Variants in EYS observed in about 807,000 individuals in gnomAD.
The protein encoded by EYS is protein eyes shut homolog.
A neutral mutation model predicts 282.1 loss-of-function variants in EYS; 250 were observed. The ratio of observed to expected loss-of-function variants is 0.89; its 90% CI spans 0.80 to 0.98. The LOEUF is 0.98. EYS is among the 50% of genes least tolerant of loss of function. The pLI, the probability that EYS is intolerant of heterozygous loss-of-function variation, is 0.00. For synonymous variants in EYS, 1,355 were observed against 1,282.9 expected, an observed-to-expected ratio of 1.06 and a Z score of -1.20; for missense variants, 4,016 against 3,709.0, an observed-to-expected ratio of 1.08 and a Z score of -2.15.
chr6:65,498,292 C>T (rs1354565239), intron 2 of EYS, among the ~76,000 whole-genome samples: 1 of 151,980 alleles, frequency 6.6e-6, no homozygotes, highest in Non-Finnish European at 1.5e-5. Context: ...TATTGAAATA[C>T]TTTTGTACCT....
At chr6:64,006,779 TATG>T (rs1396814195) in intron 33 of EYS, among the ~76,000 whole-genome samples, 1 of 152,172 alleles carries the variant, frequency 6.6e-6, no homozygotes, top group Non-Finnish European at 1.5e-5. Flanking sequence ...TTTAGTTCTA[TATG>T]ATAAATCCCA....
intron 29 of EYS, among the ~76,000 whole-genome samples, chr6:64,374,720 T>A (rs1019007361): frequency 6.6e-6 from 1 of 152,164 alleles, no homozygotes; most frequent in African/African-American, 2.4e-5. Context: ...CTGCTGCTCG[T>A]CTCCCATCTT....
intron 35 of EYS, among the ~76,000 whole-genome samples, chr6:63,930,563 G>GT (rs1291903100): frequency 2.0e-5 from 3 of 151,900 alleles, no homozygotes; most frequent in Non-Finnish European, 2.9e-5. Context: ...TCAAATCATT[G>GT]TTTTTTTAAC....
chr6:64,753,658 T>C (rs902703120), intron 22 of EYS, among the ~76,000 whole-genome samples: 1 of 151,274 alleles, frequency 6.6e-6, no homozygotes, highest in Admixed American at 6.6e-5. Flanking sequence ...AGCAATACAA[T>C]ACTACTGAAG....
chr6:65,152,758 A>G (rs1764642211), intron 12 of EYS, among the ~76,000 whole-genome samples: 1 of 151,930 alleles, frequency 6.6e-6, no homozygotes, highest in South Asian at 2.1e-4. Flanking sequence ...GCCATGAAAT[A>G]AAATATATAA....
chr6:63,915,123 A>G (rs1015988636), intron 35 of EYS, among the ~76,000 whole-genome samples: 4 of 152,246 alleles, frequency 2.6e-5, no homozygotes, highest in African/African-American at 9.6e-5. Context: ...TAAGCTAGAC[A>G]GAAGTCAATG....
At chr6:64,419,361 C>G (rs537437992) in intron 28 of EYS, among the ~76,000 whole-genome samples, 1 of 152,188 alleles carries the variant, frequency 6.6e-6, no homozygotes, top group South Asian at 2.1e-4. Flanking sequence ...GAGGACACAG[C>G]CAAATCATAT....
chr6:65,481,817 G>A lies in EYS; in HGVS notation c.862+8777C>T, dbSNP rs189742752. Among the ~76,000 whole-genome samples, 243 of 152,102 alleles carry A rather than the reference G, an allele frequency of 1.6e-3. 1 individual carries two copies. Among genetic ancestry groups the A allele is most frequent in the African/African-American group, 5.5e-3 (228 of 41,510 alleles). Reference sequence around the variant, plus strand: ...GATCTCCTTACCTCATGATCCATCCGCCTCGGCCTCCCAAACTGCTGGGAT... The same window carrying A: ...GATCTCCTTACCTCATGATCCATCCACCTCGGCCTCCCAAACTGCTGGGAT... On this transcript the variant is annotated intron_variant, in intron 5 of 42. Transcript: ENST00000503581.
At chr6:64,845,435 C>T (rs1765689444) in intron 19 of EYS, among the ~76,000 whole-genome samples, 1 of 151,992 alleles carries the variant, frequency 6.6e-6, no homozygotes, top group Non-Finnish European at 1.5e-5. Context: ...TTCCATGGTG[C>T]ATAAAATAAT....
chr6:65,631,325 T>C (rs1387800), intron 2 of EYS, among the ~76,000 whole-genome samples: 143,387 of 152,190 alleles, frequency 0.94, 67,826 homozygotes, highest in Non-Finnish European at 0.99. Flanking sequence ...GAAGAATGCA[T>C]ATCATTTCTG....
intron 12 of EYS, among the ~76,000 whole-genome samples, chr6:65,087,035 A>G (rs1774401015): frequency 6.6e-6 from 1 of 151,996 alleles, no homozygotes; most frequent in Non-Finnish European, 1.5e-5. Context: ...GTTGGCCAGA[A>G]CAGTCTCAAT....
intron 22 of EYS, among the ~76,000 whole-genome samples, chr6:64,725,934 A>C (rs1460527217): frequency 6.6e-6 from 1 of 152,174 alleles, no homozygotes; most frequent in Non-Finnish European, 1.5e-5. Flanking sequence ...AATGCCTACA[A>C]ATTAAACCCA....
chr6:65,702,579 C>T (rs1286839764), intron 1 of EYS, among the ~76,000 whole-genome samples: 1 of 152,114 alleles, frequency 6.6e-6, no homozygotes, highest in Non-Finnish European at 1.5e-5. Flanking sequence ...GTATTCCCAA[C>T]TAATTGGGAT....
chr6:65,043,875 T>A (rs1420280181), intron 13 of EYS, among the ~76,000 whole-genome samples: 1 of 151,732 alleles, frequency 6.6e-6, no homozygotes, highest in Non-Finnish European at 1.5e-5. Context: ...ACATACAGAT[T>A]TCACATCCTT....
intron 2 of EYS, among the ~76,000 whole-genome samples, chr6:65,578,617 G>A (rs1231579462): frequency 6.6e-6 from 1 of 151,776 alleles, no homozygotes; most frequent in East Asian, 1.9e-4. Flanking sequence ...TAAAAAAAAT[G>A]ATAAGTGTGT....
At chr6:64,930,967 A>G (rs1000791776) in intron 15 of EYS, among the ~76,000 whole-genome samples, 2 of 152,156 alleles carry the variant, frequency 1.3e-5, no homozygotes, top group Non-Finnish European at 2.9e-5. Context: ...AAGGCAGTTA[A>G]ATTTTAAACC....
At chr6:64,799,428 T>G (rs1216413444) in intron 22 of EYS, among the ~76,000 whole-genome samples, 1 of 151,872 alleles carries the variant, frequency 6.6e-6, no homozygotes, top group Admixed American at 6.6e-5. Context: ...GTGTTGTTCT[T>G]ATATACTCTA....
chr6:65,682,866 T>C (rs920342001), intron 1 of EYS, among the ~76,000 whole-genome samples: 1 of 151,930 alleles, frequency 6.6e-6, no homozygotes, highest in Non-Finnish European at 1.5e-5. Context: ...GAGGGAACAG[T>C]AAATACCATA....
chr6:64,040,536 GT>G (rs149855051), intron 33 of EYS, among the ~76,000 whole-genome samples: 4,787 of 152,126 alleles, frequency 0.031, 109 homozygotes, highest in Non-Finnish European at 0.049. Flanking sequence ...TGTTAATTTG[GT>G]TTTATTTTCT....
Sources: allele counts gnomAD v4.1 joint callset (sites outside exome capture counted in the v4.1 genomes callset), GRCh38; gene constraint gnomAD v4.1.1; transcripts MANE v1.5; gene names NCBI Gene and HGNC (gene_info 2026-07-23, HGNC 2026-07-21).